The following WIZ variants were observed in gnomAD, a reference collection of about 807,000 sequenced individuals.
WIZ encodes protein Wiz.
WIZ carries 25 observed loss-of-function variants against 140.2 expected under a neutral mutation model. The observed-to-expected ratio is 0.18, with a 90% CI of 0.13 to 0.25. The LOEUF (loss-of-function observed/expected upper bound fraction) is 0.25. Among genes scored for constraint, WIZ ranks in the 10% least tolerant of loss-of-function variants. The pLI is 1.00. For missense variants in WIZ, 2,231 were observed against 2,632.6 expected (o/e 0.85, Z 3.34); for synonymous variants, 1,125 against 1,154.3 (o/e 0.97, Z 0.51).
chr19:15,432,410 A>T, intron 5 of WIZ: 1 of 980,932 alleles, frequency 1.0e-6, no homozygotes, highest in Non-Finnish European at 1.2e-6. Context: ...CCCTCCCCAC[A>T]CCCTCCCAAG....
At chr19:15,431,225 C>T (rs1969216330) in intron 5 of WIZ, 43 bp from the exon 6 acceptor site, 1 of 1,473,744 alleles carries the variant, frequency 6.8e-7, no homozygotes, top group African/African-American at 1.4e-5. Flanking sequence ...AAATTTCAGG[C>T]TGTCTATACC....
At position 15,428,018 on chromosome 19, in the gene WIZ, C is replaced by T; in HGVS notation, c.3814+92G>A. The T allele has an allele frequency of 5.4e-6, 8 of 1,487,230 alleles. No individual in the cohort carries two copies. Among genetic ancestry groups the T allele is most frequent in the Non-Finnish European group, 7.1e-6 (8 of 1,124,922 alleles). 92.1% of individuals were successfully genotyped at this position (1,487,230 alleles called of 1,614,324 possible). Reference sequence around the variant, plus strand: ...CCACTGCCAAGGGCCCCTGTCTACTCCCTGCCCCAGCAGGGAGGGGGCTGT... The same window carrying T: ...CCACTGCCAAGGGCCCCTGTCTACTTCCTGCCCCAGCAGGGAGGGGGCTGT... On this transcript the variant is annotated intron_variant, in intron 8 of 12. Transcript: ENST00000673675. The surrounding 1 kb of genome is among the most constrained non-coding windows in gnomAD (Gnocchi z 6.4).
rs1968361064 is a variant in WIZ, at chr19:15,421,355, GTTAATCCCTCCTTCCCA to G, written c.*1704_*1720del. On this transcript the variant is annotated 3_prime_UTR_variant, in exon 13 of 13. Coordinates refer to ENST00000673675, the MANE Select transcript of WIZ (RefSeq NM_001371589.1). ...ACCCTTGTGGGCGTTATTGCAGCCT[GTTAATCCCTCCTTCCCA>G]GGAAGGGGTATGGTGGGAGGGCCCA... The G allele has an allele frequency of 6.6e-6, 1 of 152,244 alleles. No individual in the cohort carries two copies. Among genetic ancestry groups the G allele is most frequent in the African/African-American group, 2.4e-5 (1 of 41,464 alleles). The allele number at this position is 152,244 out of a possible 1,614,324, so 9.4% of individuals were successfully genotyped here.
Position 15,431,137 on chromosome 19 carries a change from G to A in WIZ, c.2786C>T (p.Ser929Phe). 1 of 1,535,348 alleles carries A rather than the reference G, an allele frequency of 6.5e-7. No homozygotes were observed. The highest frequency in any genetic ancestry group is 8.7e-7 in the Non-Finnish European group (1 of 1,146,484). Residue 929 changes from serine to phenylalanine, a missense_variant, in exon 6 of 13, where the codon TCT (serine) becomes TTT (phenylalanine). Around this residue, in one of 15 missense-constraint regions of WIZ, gnomAD observed 137 missense variants for 135.8 expected, o/e 1.01. Transcript: ENST00000673675. ...ENAMVAMDLG[S>F]PSLPKKSLPV... Reference sequence around the variant, plus strand: ...CAGGCTCTTCTTAGGGAGCGAGGGAGAGCCCAAGTCCATGGCCACCATTGC... The same window carrying A: ...CAGGCTCTTCTTAGGGAGCGAGGGAAAGCCCAAGTCCATGGCCACCATTGC...
At chr19:15,426,193 T>A (rs913894784) in intron 9 of WIZ, among the ~76,000 whole-genome samples, 21 of 152,002 alleles carry the variant, frequency 1.4e-4, no homozygotes, top group African/African-American at 5.1e-4. Context: ...AACCCCTACC[T>A]CCCAGTGTTA....
chr19:15,425,165 G>A, intron 10 of WIZ, 76 bp downstream of exon 10: 5 of 1,541,196 alleles, frequency 3.2e-6, no homozygotes, highest in Non-Finnish European at 2.6e-6. Context: ...TGGGGTCAGT[G>A]TGCACGCTTG....
rs1969125827 is a variant in WIZ, at chr19:15,430,017, C to T, written c.2984G>A (p.Arg995His). ...ETRKGLSSHA[R>H]SHLRQLGVAE... ...CACTCCCAGCTGCCGCAGGTGGGAGCGCGCGTGGCTGGACAGGCCCTTTCG... is the reference window on the plus strand; with the variant it reads ...CACTCCCAGCTGCCGCAGGTGGGAGTGCGCGTGGCTGGACAGGCCCTTTCG... Residue 995 changes from arginine to histidine, a missense_variant, in exon 7 of 13, where the codon CGC (arginine) becomes CAC (histidine). Physicochemically the swap from Arg to His is conservative, Grantham distance 29. This residue lies in a region of WIZ where 24 missense variants were observed against 61.2 expected (regional missense o/e 0.39). Coordinates refer to ENST00000673675, the MANE Select transcript of WIZ (RefSeq NM_001371589.1). 6.5e-7 allele frequency: 1 copy of T among 1,535,954 alleles called. No individual in the cohort carries two copies. The highest frequency in any genetic ancestry group is 8.7e-7 in the Non-Finnish European group (1 of 1,146,810).
Position 15,422,847 on chromosome 19 carries a change from T to C in WIZ, c.*229A>G. The C allele has an allele frequency of 3.3e-6, 2 of 600,800 alleles. No individual in the cohort carries two copies. The highest frequency in any genetic ancestry group is 3.0e-5 in the East Asian group (1 of 33,598). 37.2% of individuals were successfully genotyped at this position (600,800 alleles called of 1,614,324 possible). A position where few individuals can be genotyped will look rare whatever the true frequency, so the allele number is the denominator to read the frequency against. ...CTGCCCCTGCTGGACCAGGTGGGCA[T>C]GGGCTGAAGGAAGACACCCTGTGGC... On this transcript the variant is annotated 3_prime_UTR_variant, in exon 13 of 13. Coordinates refer to ENST00000673675, the MANE Select transcript of WIZ (RefSeq NM_001371589.1).
chr19:15,424,914 C>A lies in WIZ; in HGVS notation c.5013G>T (p.Ser1671=). The change falls in exon 11 of 13, where the codon TCG becomes TCT. Residue 1671 remains serine, a synonymous_variant. Coordinates refer to ENST00000673675, the MANE Select transcript of WIZ (RefSeq NM_001371589.1). This position sits in a 1 kb window ranked among gnomAD's most constrained non-coding sequence, Gnocchi z 9.7. ...TCCACTCGCTCAGTGTCTCGATGGG[C>A]GAGCCATTGACGCACCACTCGGTCA... ...FGVTEWCVNG[S]PIETLSEWIK... The A allele has an allele frequency of 6.2e-7, 1 of 1,606,880 alleles. No homozygotes were observed. Among genetic ancestry groups the A allele is most frequent in the Non-Finnish European group, 8.5e-7 (1 of 1,178,120 alleles).
chr19:15,431,934 T>TA (rs1473535352), intron 5 of WIZ, among the ~76,000 whole-genome samples: 1 of 152,114 alleles, frequency 6.6e-6, no homozygotes, highest in Non-Finnish European at 1.5e-5. Flanking sequence ...ACTCCAAATT[T>TA]AGAGTTCAGA....
At chr19:15,426,268 G>A (rs572456766) in intron 9 of WIZ, among the ~76,000 whole-genome samples, 6 of 152,162 alleles carry the variant, frequency 3.9e-5, no homozygotes, top group Admixed American at 2.6e-4. Context: ...CACAACACAC[G>A]TGAGCGCTAA....
In WIZ at chr19:15,440,115, C is replaced by G; in HGVS notation, c.879G>C (p.Leu293=). ...PIRTGPYLCE[L]LEEVAEGVAS... is the part of the protein sequence containing the mutation. ...CCACCCCTTCGGCCACCTCCTCCAG[C>G]AGCTCACACAGGTAGGGCCCGGTCC... is the stretch of plus-strand genomic sequence containing the variant. The change falls in exon 4 of 13, where the codon CTG becomes CTC. Residue 293 remains leucine, a synonymous_variant. Transcript: ENST00000673675. The surrounding 1 kb of genome is among the most constrained non-coding windows in gnomAD (Gnocchi z 6.2). 2.0e-6 allele frequency: 3 copies of G among 1,533,936 alleles called. No individual in the cohort carries two copies. The highest frequency in any genetic ancestry group is 2.6e-6 in the Non-Finnish European group (3 of 1,145,808).
intron 5 of WIZ, among the ~76,000 whole-genome samples, chr19:15,431,459 G>A (rs527983945): frequency 6.6e-6 from 1 of 152,306 alleles, no homozygotes; most frequent in African/African-American, 2.4e-5. Context: ...TCCCATCCCA[G>A]GGGATCTCAA....
rs965906701 is a variant in WIZ, at chr19:15,440,077, T to C, written c.917A>G (p.Glu306Gly). The C allele has an allele frequency of 3.9e-6, 6 of 1,535,370 alleles. No individual in the cohort carries two copies. The highest frequency in any genetic ancestry group is 1.4e-5 in the African/African-American group (1 of 73,004). ...CACGGCCGGCTCCTCGTCCTCGTCC[T>C]CATCTGGGCTGGCCACCCCTTCGGC... ...EVAEGVASPD[E>G]DEDEEPAVFP... is the part of the protein sequence containing the mutation. Residue 306 changes from glutamate to glycine, a missense_variant, in exon 4 of 13, where the codon GAG (glutamate) becomes GGG (glycine). Glu to Gly is a moderately conservative substitution (Grantham distance 98). This residue lies in a region of WIZ where 307 missense variants were observed against 294.1 expected (regional missense o/e 1.04). Coordinates refer to ENST00000673675, the MANE Select transcript of WIZ (RefSeq NM_001371589.1). This position sits in a 1 kb window ranked among gnomAD's most constrained non-coding sequence, Gnocchi z 6.2.
Position 15,422,894 on chromosome 19 carries a change from G to T in WIZ, c.*182C>A. The T allele has an allele frequency of 1.2e-6, 1 of 857,710 alleles. No individual in the cohort carries two copies. Among genetic ancestry groups the T allele is most frequent in the Admixed American group, 3.0e-5 (1 of 33,348 alleles). 53.1% of individuals were successfully genotyped at this position (857,710 alleles called of 1,614,324 possible). On this transcript the variant is annotated 3_prime_UTR_variant, in exon 13 of 13. Coordinates refer to ENST00000673675, the MANE Select transcript of WIZ (RefSeq NM_001371589.1). ...TGGCCCCAGAGTCCTCGGGCTGGGGGAAGGGCAGCTAGCTGGCTCCCGGCG... is the reference window on the plus strand; with the variant it reads ...TGGCCCCAGAGTCCTCGGGCTGGGGTAAGGGCAGCTAGCTGGCTCCCGGCG...
At position 15,428,242 on chromosome 19, in the gene WIZ, G is replaced by A. The variant is rs915328993; in HGVS notation, c.3682C>T (p.Pro1228Ser). ...AGCTTGGCCTTCTTGGCCGGCGGTGGGGGGGGAAGCAAGGAGAGGGCCGCG... is the reference window on the plus strand; with the variant it reads ...AGCTTGGCCTTCTTGGCCGGCGGTGAGGGGGGAAGCAAGGAGAGGGCCGCG... ...TSAALSLLPP[P>S]PPAKKAKLKA... Residue 1228 changes from proline (P) to serine (S), a missense_variant, in exon 8 of 13, where the codon CCA becomes TCA. This residue lies in a region of WIZ where 141 missense variants were observed against 161.2 expected (regional missense o/e 0.87). Coordinates refer to ENST00000673675, the MANE Select transcript of WIZ (RefSeq NM_001371589.1). The surrounding 1 kb of genome is among the most constrained non-coding windows in gnomAD (Gnocchi z 6.4). 3.1e-5 allele frequency: 47 copies of A among 1,531,292 alleles called. No individual in the cohort carries two copies. Among genetic ancestry groups the A allele is most frequent in the Non-Finnish European group, 3.8e-5 (44 of 1,145,216 alleles). The allele number at this position is 1,531,292 out of a possible 1,614,324, so 94.9% of individuals were successfully genotyped here.
chr19:15,423,291 A>T, intron 12 of WIZ, 56 bp from the exon 13 acceptor site: 6 of 1,586,478 alleles, frequency 3.8e-6, no homozygotes, highest in Non-Finnish European at 5.1e-6. Flanking sequence ...AGGCGGAAGC[A>T]TAGCCTTGCC....
intron 5 of WIZ, 148 bp downstream of exon 5, chr19:15,436,658 G>A: frequency 1.3e-6 from 1 of 785,912 alleles, no homozygotes; most frequent in Non-Finnish European, 1.9e-6. Flanking sequence ...TAGCAGGGTG[G>A]TTGTAAGGAA....
chr19:15,428,911 T>C lies in WIZ; in HGVS notation c.3416-403A>G, dbSNP rs1018789781. 2.0e-5 allele frequency among the ~76,000 whole-genome samples: 3 copies of C among 152,044 alleles called. No homozygotes were observed. The highest frequency in any genetic ancestry group is 2.9e-5 in the Non-Finnish European group (2 of 67,986). On this transcript the variant is annotated intron_variant, in intron 7 of 12. Coordinates refer to ENST00000673675, the MANE Select transcript of WIZ (RefSeq NM_001371589.1). The surrounding 1 kb of genome is among the most constrained non-coding windows in gnomAD (Gnocchi z 6.4). ...CAGTGGAAGCAACTTCAAGGGAACA[T>C]AAGGTGCCAAATGGGGGGCTCCATT...
Sources: gnomAD v4.1 joint callset for allele counts (sites outside exome capture counted in the v4.1 genomes callset) on GRCh38, gnomAD v4.1.1 for gene constraint, gnomAD v4.1.1 regional missense constraint, Gnocchi (gnomAD v3.1) non-coding constraint, MANE v1.5 for transcripts, NCBI Gene and HGNC (gene_info 2026-07-23, HGNC 2026-07-21) for gene names.